Variants in C16orf78 observed in about 807,000 individuals in gnomAD.
C16orf78 encodes uncharacterized protein C16orf78.
C16orf78 carries 19 observed loss-of-function variants against 27.3 expected under a neutral mutation model. That is an observed-to-expected ratio of 0.70 (90% CI 0.49 to 1.02). The LOEUF is 1.02. Ranked by LOEUF, C16orf78 falls within the 50% of genes least tolerant of loss-of-function variation. The pLI is 0.00. For synonymous variants in C16orf78, 130 were observed against 116.1 expected, an observed-to-expected ratio of 1.12 and a Z score of -0.77; for missense variants, 339 against 337.0, an observed-to-expected ratio of 1.01 and a Z score of -0.05.
intron 3 of C16orf78, among the ~76,000 whole-genome samples, chr16:49,395,314 A>G (rs1965458490): frequency 2.0e-5 from 3 of 152,238 alleles, no homozygotes; most frequent in Admixed American, 2.0e-4. Context: ...TAAAACACTT[A>G]GAAGGAAATT....
At chr16:49,391,487 A>T (rs1965412067) in intron 3 of C16orf78, among the ~76,000 whole-genome samples, 1 of 152,172 alleles carries the variant, frequency 6.6e-6, no homozygotes, top group Non-Finnish European at 1.5e-5. Flanking sequence ...ATTTTTGTCC[A>T]AAAGAGTGGC....
At chr16:49,396,828 C>A in intron 4 of C16orf78, 150 bp downstream of exon 4, 1 of 1,130,238 alleles carries the variant, frequency 8.8e-7, no homozygotes, top group Non-Finnish European at 1.2e-6. Context: ...TCCCAAAGGA[C>A]TGCTCCAGGG....
chr16:49,391,445 T>C (rs1965411617), intron 3 of C16orf78, among the ~76,000 whole-genome samples: 1 of 152,070 alleles, frequency 6.6e-6, no homozygotes, highest in Non-Finnish European at 1.5e-5. Flanking sequence ...ATATAACCTA[T>C]CTCTTCAGCC....
chr16:49,391,384 C>G (rs554536035), intron 3 of C16orf78, among the ~76,000 whole-genome samples: 1 of 152,296 alleles, frequency 6.6e-6, no homozygotes, highest in Admixed American at 6.5e-5. Flanking sequence ...CCCCTTTTGT[C>G]TCCGCGAGCA....
At chr16:49,392,476 A>G (rs1596930659) in intron 3 of C16orf78, among the ~76,000 whole-genome samples, 1 of 152,366 alleles carries the variant, frequency 6.6e-6, no homozygotes, top group East Asian at 1.9e-4. Context: ...AAGCAAAGAA[A>G]CAACAAGGAA....
intron 3 of C16orf78, among the ~76,000 whole-genome samples, chr16:49,390,799 TA>T (rs1178192280): frequency 3.3e-5 from 5 of 152,222 alleles, no homozygotes; most frequent in African/African-American, 1.2e-4. Flanking sequence ...TAACCTAAAT[TA>T]TCTGGTTTCT....
At chr16:49,390,117 C>G (rs1965395255) in intron 3 of C16orf78, among the ~76,000 whole-genome samples, 1 of 152,188 alleles carries the variant, frequency 6.6e-6, no homozygotes, top group Non-Finnish European at 1.5e-5. Context: ...GAAGCTGGCT[C>G]TCTTCCTAAT....
rs1286792241 is a variant in C16orf78, at chr16:49,386,061, G to A, written c.394+7468G>A. Among the ~76,000 whole-genome samples, 6 of 152,216 alleles carry A rather than the reference G, an allele frequency of 3.9e-5. No individual in the cohort carries two copies. The South Asian group carries it at 1.0e-3, about 26-fold the overall frequency. ...CAAATGGTAACCTAAGGAGAGCATC[G>A]GTGGCTATACTTATATCAGATTTTA... is the stretch of plus-strand genomic sequence containing the variant. On this transcript the variant is annotated intron_variant, in intron 3 of 4. Coordinates refer to ENST00000299191, the MANE Select transcript of C16orf78 (RefSeq NM_144602.4).
chr16:49,383,563 C>T (rs948412946), intron 3 of C16orf78, among the ~76,000 whole-genome samples: 2 of 152,192 alleles, frequency 1.3e-5, no homozygotes, highest in Non-Finnish European at 2.9e-5. Context: ...TATCTTTAAT[C>T]TCTTTCTCTT....
chr16:49,398,312 G>A (rs1193713192), intron 4 of C16orf78, among the ~76,000 whole-genome samples: 2 of 152,152 alleles, frequency 1.3e-5, no homozygotes, highest in African/African-American at 4.8e-5. Flanking sequence ...AGCCTGAGTA[G>A]GGGGCCTACA....
At chr16:49,390,582 T>C (rs1400961323) in intron 3 of C16orf78, among the ~76,000 whole-genome samples, 1 of 152,248 alleles carries the variant, frequency 6.6e-6, no homozygotes, top group African/African-American at 2.4e-5. Flanking sequence ...TTTTAAATCT[T>C]CTGTGTCTCT....
intron 3 of C16orf78, among the ~76,000 whole-genome samples, chr16:49,381,779 G>T (rs1331766540): frequency 6.6e-6 from 1 of 151,828 alleles, no homozygotes; most frequent in Non-Finnish European, 1.5e-5. Flanking sequence ...TGCTGGAGAG[G>T]ATGTGGAGAA....
chr16:49,392,608 G>C (rs1317073881), intron 3 of C16orf78, among the ~76,000 whole-genome samples: 1 of 152,138 alleles, frequency 6.6e-6, no homozygotes, highest in Non-Finnish European at 1.5e-5. Context: ...AAATGTAGTA[G>C]GTAAATAGTA....
At chr16:49,387,932 A>G (rs1427286469) in intron 3 of C16orf78, among the ~76,000 whole-genome samples, 2 of 151,792 alleles carry the variant, frequency 1.3e-5, no homozygotes, top group Admixed American at 1.3e-4. Context: ...GTCTATTTGG[A>G]TCCTGTCTCT....
intron 4 of C16orf78, among the ~76,000 whole-genome samples, chr16:49,397,166 A>T (rs796499443): frequency 6.6e-5 from 10 of 152,228 alleles, no homozygotes; most frequent in African/African-American, 2.4e-4. Context: ...CTTCCCAAAG[A>T]GTCTCCCTTC....
In C16orf78 at chr16:49,384,840, T is replaced by A. The variant is rs536202988; in HGVS notation, c.394+6247T>A. ...ATACAAGGAAACCCCCACAAGACTA[T>A]GAGTAGACTTCTCAGCAGAAACCTT... On this transcript the variant is annotated intron_variant, in intron 3 of 4. Coordinates refer to ENST00000299191, the MANE Select transcript of C16orf78 (RefSeq NM_144602.4). Among the ~76,000 whole-genome samples the A allele has an allele frequency of 4.6e-5, 7 of 152,288 alleles. No individual in the cohort carries two copies. The South Asian group carries it at 8.3e-4, about 18-fold the overall frequency.
chr16:49,385,013 A>G (rs1156539639), intron 3 of C16orf78, among the ~76,000 whole-genome samples: 1 of 152,226 alleles, frequency 6.6e-6, no homozygotes, highest in Non-Finnish European at 1.5e-5. Context: ...TCACCATTGA[A>G]CCTGCCTTAT....
chr16:49,389,132 CTT>C (rs887884029), intron 3 of C16orf78, among the ~76,000 whole-genome samples: 2 of 152,090 alleles, frequency 1.3e-5, no homozygotes, highest in African/African-American at 2.4e-5. Context: ...AGTTATAACT[CTT>C]TGTTGCAGCC....
chr16:49,388,798 C>G (rs1325237854), intron 3 of C16orf78, among the ~76,000 whole-genome samples: 1 of 152,116 alleles, frequency 6.6e-6, no homozygotes, highest in East Asian at 1.9e-4. Flanking sequence ...ATAGGCACCC[C>G]TTGTGCCCAG....
Sources: gnomAD v4.1 joint callset for allele counts (sites outside exome capture counted in the v4.1 genomes callset) on GRCh38, gnomAD v4.1.1 for gene constraint, MANE v1.5 for transcripts, NCBI Gene and HGNC (gene_info 2026-07-23, HGNC 2026-07-21) for gene names.